Variants in CDKAL1 observed in about 807,000 individuals in gnomAD.
CDKAL1 encodes CDKAL1 threonylcarbamoyladenosine tRNA methylthiotransferase, also known as threonylcarbamoyladenosine tRNA methylthiotransferase.
In CDKAL1, 32 loss-of-function variants were observed where a neutral mutation model predicts 68.2. The observed-to-expected ratio is 0.47, with a 90% CI of 0.35 to 0.63. The LOEUF is 0.63. Ranked by LOEUF, CDKAL1 falls within the 30% of genes least tolerant of loss-of-function variation. The pLI is 0.00. For synonymous variants in CDKAL1, 234 were observed against 244.3 expected, an observed-to-expected ratio of 0.96 and a Z score of 0.39; for missense variants, 606 against 696.7, an observed-to-expected ratio of 0.87 and a Z score of 1.47.
chr6:21,096,432 G>A (rs1447228888), intron 12 of CDKAL1, among the ~76,000 whole-genome samples: 1 of 152,160 alleles, frequency 6.6e-6, no homozygotes, highest in East Asian at 1.9e-4. Flanking sequence ...CAGCCTCGCT[G>A]AATGTTAGAT....
chr6:20,546,370 A>C lies in CDKAL1; in HGVS notation c.20A>C (p.Asp7Ala). 6.2e-7 allele frequency: 1 copy of C among 1,613,086 alleles called. No individual in the cohort carries two copies. The highest frequency in any genetic ancestry group is 8.5e-7 in the Non-Finnish European group (1 of 1,179,318). MPSASC[D>A]TLLDDIEDIV... Reference sequence around the variant, plus strand: ...GAGAATATGCCTTCTGCATCCTGTGATACACTACTGGATGACATCGAAGAT... The same window carrying C: ...GAGAATATGCCTTCTGCATCCTGTGCTACACTACTGGATGACATCGAAGAT... The change falls in exon 3 of 16, where the codon GAT becomes GCT. Residue 7 changes from aspartate (D) to alanine (A), a missense_variant. By Grantham distance (126) the Asp-to-Ala change is moderately radical. Coordinates refer to ENST00000274695, the MANE Select transcript of CDKAL1 (RefSeq NM_017774.3).
At chr6:21,024,843 A>G (rs1486514443) in intron 11 of CDKAL1, among the ~76,000 whole-genome samples, 1 of 152,180 alleles carries the variant, frequency 6.6e-6, no homozygotes, top group African/African-American at 2.4e-5. Flanking sequence ...TGAGAGTGCC[A>G]GATCACAGTT....
chr6:20,723,088 C>T (rs1428821773), intron 5 of CDKAL1, among the ~76,000 whole-genome samples: 1 of 152,152 alleles, frequency 6.6e-6, no homozygotes, highest in African/African-American at 2.4e-5. Context: ...CCACACAAGC[C>T]CTTTGCCCTT....
intron 6 of CDKAL1, among the ~76,000 whole-genome samples, chr6:20,752,119 T>G (rs1773949699): frequency 6.6e-6 from 1 of 151,808 alleles, no homozygotes; most frequent in Non-Finnish European, 1.5e-5. Flanking sequence ...TGGTCTCCCC[T>G]TTTTTCCCTT....
At chr6:20,644,979 A>G (rs975813788) in intron 4 of CDKAL1, among the ~76,000 whole-genome samples, 6 of 152,334 alleles carry the variant, frequency 3.9e-5, no homozygotes, top group South Asian at 2.1e-4. Context: ...GGTATAGCCT[A>G]TTGCTCCCAG....
intron 4 of CDKAL1, among the ~76,000 whole-genome samples, chr6:20,640,689 G>A (rs1015663210): frequency 6.6e-6 from 1 of 152,090 alleles, no homozygotes; most frequent in Admixed American, 6.6e-5. Context: ...TGTCTACATT[G>A]TTTTTTGATC....
At chr6:21,005,408 A>G (rs1180889849) in intron 11 of CDKAL1, among the ~76,000 whole-genome samples, 2 of 152,260 alleles carry the variant, frequency 1.3e-5, no homozygotes, top group African/African-American at 2.4e-5. Flanking sequence ...ATGTAAGAAT[A>G]TCCTACGGAT....
chr6:20,677,070 ATT>A (rs1035311444), intron 5 of CDKAL1, among the ~76,000 whole-genome samples: 56 of 147,274 alleles, frequency 3.8e-4, no homozygotes, highest in African/African-American at 1.3e-3. Flanking sequence ...TTATTTGATA[ATT>A]TTTTTTGTGT....
chr6:21,019,062 C>T (rs1646356891), intron 11 of CDKAL1, among the ~76,000 whole-genome samples: 1 of 152,204 alleles, frequency 6.6e-6, no homozygotes, highest in Non-Finnish European at 1.5e-5. Flanking sequence ...AATTCTCCTG[C>T]CCCAGCCTCC....
chr6:20,596,132 C>G (rs113640096), intron 4 of CDKAL1, among the ~76,000 whole-genome samples: 4 of 152,176 alleles, frequency 2.6e-5, no homozygotes, highest in Non-Finnish European at 4.4e-5. Context: ...CCAGGAGGCA[C>G]GAGGATCAGG....
chr6:20,721,315 T>C (rs1414446621), intron 5 of CDKAL1, among the ~76,000 whole-genome samples: 1 of 152,188 alleles, frequency 6.6e-6, no homozygotes, highest in Non-Finnish European at 1.5e-5. Flanking sequence ...GGCTGCATAG[T>C]ATTCCATGGC....
chr6:20,858,267 T>G (rs1385314085), intron 9 of CDKAL1, among the ~76,000 whole-genome samples: 1 of 152,202 alleles, frequency 6.6e-6, no homozygotes, highest in Non-Finnish European at 1.5e-5. Context: ...CTCTGTAAGT[T>G]TGGGAATCAG....
chr6:20,602,866 T>G (rs1156417529), intron 4 of CDKAL1, among the ~76,000 whole-genome samples: 2 of 152,196 alleles, frequency 1.3e-5, no homozygotes, highest in Non-Finnish European at 2.9e-5. Flanking sequence ...TATGCTTTTC[T>G]CATCTGAAGA....
chr6:21,151,429 C>A (rs1278229168), intron 13 of CDKAL1, among the ~76,000 whole-genome samples: 1 of 152,202 alleles, frequency 6.6e-6, no homozygotes, highest in Non-Finnish European at 1.5e-5. Flanking sequence ...ATTCTGTCTA[C>A]CTAAGAAATG....
intron 5 of CDKAL1, among the ~76,000 whole-genome samples, chr6:20,658,170 C>T (rs182446448): frequency 4.7e-4 from 72 of 152,276 alleles, no homozygotes; most frequent in African/African-American, 1.4e-3. Flanking sequence ...TGAAAATAAA[C>T]ACATCTTGTG....
At chr6:20,991,650 C>T (rs972274958) in intron 10 of CDKAL1, among the ~76,000 whole-genome samples, 3 of 138,752 alleles carry the variant, frequency 2.2e-5, no homozygotes, top group East Asian at 2.2e-4. Context: ...GAGGTTGCAG[C>T]GAACGGAGAT....
intron 7 of CDKAL1, among the ~76,000 whole-genome samples, chr6:20,779,709 C>T (rs187942486): frequency 1.8e-4 from 28 of 152,244 alleles, no homozygotes; most frequent in Admixed American, 1.5e-3. Context: ...CTCACTCTCT[C>T]GAGTAGTTGG....
At chr6:21,003,144 C>G (rs938890026) in intron 11 of CDKAL1, among the ~76,000 whole-genome samples, 2 of 151,286 alleles carry the variant, frequency 1.3e-5, no homozygotes, top group Non-Finnish European at 2.9e-5. Context: ...AAGAGTTTTC[C>G]TGTCCTCTTG....
intron 12 of CDKAL1, among the ~76,000 whole-genome samples, chr6:21,103,188 T>C (rs959200816): frequency 1.3e-5 from 2 of 152,190 alleles, no homozygotes; most frequent in African/African-American, 2.4e-5. Flanking sequence ...AAGGATTGAA[T>C]TGGCTTGGGG....
Sources: gnomAD v4.1 joint callset for allele counts (sites outside exome capture counted in the v4.1 genomes callset) on GRCh38, gnomAD v4.1.1 for gene constraint, MANE v1.5 for transcripts, NCBI Gene and HGNC (gene_info 2026-07-23, HGNC 2026-07-21) for gene names.